FSHR: variants seen among roughly 807,000 people sequenced by gnomAD.
FSHR encodes the protein follicle stimulating hormone receptor, also known as follicle-stimulating hormone receptor.
A neutral mutation model predicts 52.1 loss-of-function variants in FSHR; 46 were observed. The observed-to-expected ratio is 0.88, with a 90% confidence interval of 0.70 to 1.13. The LOEUF (loss-of-function observed/expected upper bound fraction) is 1.13, where lower values mean the gene tolerates loss of function less well. Ranked by LOEUF, FSHR falls within the 50% of genes most tolerant of loss-of-function variation. FSHR has a pLI of 0.00. For synonymous variants in FSHR, 399 were observed against 309.6 expected, an observed-to-expected ratio of 1.29 and a Z score of -3.03; for missense variants, 964 against 834.6, an observed-to-expected ratio of 1.16 and a Z score of -1.91.
At chr2:48,964,084 C>G (rs1290750698) in intron 9 of FSHR, 118 bp from the exon 10 acceptor site, 1 of 957,552 alleles carries the variant, frequency 1.0e-6, no homozygotes, top group Non-Finnish European at 1.6e-6. Flanking sequence ...TTTTTTTCTT[C>G]TCACATCATA....
intron 1 of FSHR, among the ~76,000 whole-genome samples, chr2:49,152,957 G>A (rs1301800969): frequency 6.6e-6 from 1 of 152,206 alleles, no homozygotes; most frequent in Non-Finnish European, 1.5e-5. Flanking sequence ...TTGTGCATGG[G>A]CACATTCTTC....
At chr2:48,990,669 A>G (rs1055076327) in intron 4 of FSHR, 32 bp from the exon 5 acceptor site, 1 of 1,293,790 alleles carries the variant, frequency 7.7e-7, no homozygotes, top group Admixed American at 1.7e-5. Context: ...GTGAGTGAAA[A>G]TGAAACTGGC....
intron 1 of FSHR, among the ~76,000 whole-genome samples, chr2:49,087,678 A>G (rs1670450556): frequency 6.6e-6 from 1 of 152,188 alleles, no homozygotes. Context: ...AATTACATAC[A>G]TATGCATAGT....
At chr2:49,116,753 A>G (rs1291963415) in intron 1 of FSHR, among the ~76,000 whole-genome samples, 2 of 152,158 alleles carry the variant, frequency 1.3e-5, no homozygotes, top group African/African-American at 4.8e-5. Context: ...GGGGTACAAT[A>G]TGATAGTTTG....
intron 1 of FSHR, among the ~76,000 whole-genome samples, chr2:49,106,396 A>T (rs1210218915): frequency 6.6e-6 from 1 of 152,258 alleles, no homozygotes; most frequent in African/African-American, 2.4e-5. Flanking sequence ...TGGCCAACAG[A>T]TAGAGGATAT....
chr2:49,087,070 GTTTTTTTTTTTTT>G (rs56890721), intron 1 of FSHR, among the ~76,000 whole-genome samples: 9 of 86,728 alleles, frequency 1.0e-4, no homozygotes, highest in South Asian at 5.3e-4. Flanking sequence ...TGTGGGCAGG[GTTTTTTTTTTTTT>G]TTTTTTTTTT....
At chr2:49,132,354 T>C (rs1672309523) in intron 1 of FSHR, among the ~76,000 whole-genome samples, 1 of 152,184 alleles carries the variant, frequency 6.6e-6, no homozygotes, top group African/African-American at 2.4e-5. Flanking sequence ...TCTATCCTGC[T>C]CAGAAGAAAA....
intron 1 of FSHR, among the ~76,000 whole-genome samples, chr2:49,144,751 G>T (rs1407753170): frequency 6.6e-6 from 1 of 152,086 alleles, no homozygotes; most frequent in Non-Finnish European, 1.5e-5. Context: ...ATGGGTACAT[G>T]GTAGTGGCAA....
chr2:49,090,585 G>C (rs993200628), intron 1 of FSHR, among the ~76,000 whole-genome samples: 1 of 152,146 alleles, frequency 6.6e-6, no homozygotes, highest in African/African-American at 2.4e-5. Context: ...ACACTTATGT[G>C]GAGGTTTCTT....
Position 49,020,166 on chromosome 2 carries a change from GA to G in FSHR, c.225-7del. The stretch of plus-strand genomic sequence containing the variant: ...CATCATTCTGAGAGATCTCTCTGTG[GA>G]GAAAAAAATATATAAGTCAAGCCAG... On this transcript the variant is annotated splice_polypyrimidine_tract_variant and splice_region_variant and intron_variant, in intron 2 of 9. Transcript: ENST00000406846. 6.2e-7 allele frequency: 1 copy of G among 1,611,160 alleles called. No homozygotes were observed. Among genetic ancestry groups the G allele is most frequent in the Non-Finnish European group, 8.5e-7 (1 of 1,177,440 alleles).
intron 2 of FSHR, among the ~76,000 whole-genome samples, chr2:49,038,667 ATAATAC>A: frequency 7.0e-6 from 1 of 143,382 alleles, no homozygotes; most frequent in African/African-American, 2.5e-5. Flanking sequence ...AATAATAATA[ATAATAC>A]TGGTTTAGGG....
intron 2 of FSHR, among the ~76,000 whole-genome samples, chr2:49,029,253 A>G (rs1366054029): frequency 6.6e-6 from 1 of 152,208 alleles, no homozygotes; most frequent in Non-Finnish European, 1.5e-5. Flanking sequence ...GTGAGCACAC[A>G]TCGTGGCTGC....
chr2:49,131,594 C>A (rs1405846981), intron 1 of FSHR, among the ~76,000 whole-genome samples: 1 of 152,168 alleles, frequency 6.6e-6, no homozygotes, highest in Non-Finnish European at 1.5e-5. Context: ...TAAACCTCCA[C>A]AAATTTTTAA....
At chr2:48,999,872 G>A (rs1676180099) in intron 4 of FSHR, among the ~76,000 whole-genome samples, 1 of 152,060 alleles carries the variant, frequency 6.6e-6, no homozygotes, top group Non-Finnish European at 1.5e-5. Context: ...AGTATATCCT[G>A]AGTTTGGTGT....
chr2:49,117,636 T>C (rs149324304), intron 1 of FSHR, among the ~76,000 whole-genome samples: 1 of 152,200 alleles, frequency 6.6e-6, no homozygotes, highest in Admixed American at 6.5e-5. Flanking sequence ...AAAGGGTCAA[T>C]GATATCAAAA....
At chr2:49,094,511 A>G (rs1372032102) in intron 1 of FSHR, among the ~76,000 whole-genome samples, 1 of 152,092 alleles carries the variant, frequency 6.6e-6, no homozygotes, top group African/African-American at 2.4e-5. Context: ...ATTAGTTTTC[A>G]TTATTTTGAG....
chr2:49,065,717 A>G (rs58403915), intron 2 of FSHR, among the ~76,000 whole-genome samples: 5,913 of 152,144 alleles, frequency 0.039, 401 homozygotes, highest in African/African-American at 0.14. Flanking sequence ...GTAATAAGAC[A>G]TTATCTGACA....
chr2:49,000,446 A>C (rs911458414), intron 4 of FSHR, among the ~76,000 whole-genome samples: 3 of 152,150 alleles, frequency 2.0e-5, no homozygotes, highest in Non-Finnish European at 4.4e-5. Context: ...TTGTGCTTTT[A>C]ACTTGGAGCA....
At chr2:49,127,889 CTTCTTCTTCTTTT>C in intron 1 of FSHR, among the ~76,000 whole-genome samples, 1 of 30,034 alleles carries the variant, frequency 3.3e-5, no homozygotes, top group East Asian at 1.8e-3. Context: ...TCTTCTTCTT[CTTCTTCTTCTTTT>C]TTTTTTTTGA....
Sources: allele counts gnomAD v4.1 joint callset (sites outside exome capture counted in the v4.1 genomes callset), GRCh38; gene constraint gnomAD v4.1.1; transcripts MANE v1.5; gene names NCBI Gene and HGNC (gene_info 2026-07-23, HGNC 2026-07-21).